Variants in CUX1 observed in about 807,000 individuals in gnomAD.
CUX1 encodes the protein protein CASP.
A neutral mutation model predicts 158.8 loss-of-function variants in CUX1; 31 were observed. The observed-to-expected ratio is 0.20, with a 90% CI of 0.15 to 0.26. CUX1 has a LOEUF of 0.26. Ranked by LOEUF, CUX1 falls within the 10% of genes least tolerant of loss-of-function variation. The pLI is 1.00. For synonymous variants in CUX1, 879 were observed against 862.1 expected (o/e 1.02, Z -0.34); for missense variants, 1,589 against 2,014.6 (o/e 0.79, Z 4.04).
At chr7:101,888,273 G>T (rs997134168) in intron 1 of CUX1, among the ~76,000 whole-genome samples, 1 of 152,078 alleles carries the variant, frequency 6.6e-6, no homozygotes, top group Admixed American at 6.5e-5. Flanking sequence ...GGAGGTTGTA[G>T]TGAGCCGAGA....
rs145682019 is a variant in CUX1, at chr7:102,201,224, G to A, written c.2063-136G>A. The stretch of plus-strand genomic sequence containing the variant: ...GATGCCTGAATGTTTCACTGACAGG[G>A]GCCATGCTGGGGAAATACACAGTGT... On this transcript the variant is annotated intron_variant, in intron 17 of 23. Coordinates refer to ENST00000292535, the MANE Select transcript of CUX1 (RefSeq NM_181552.4). This position sits in a 1 kb window ranked among gnomAD's most constrained non-coding sequence, Gnocchi z 5.0. 1.6e-6 allele frequency: 2 copies of A among 1,290,142 alleles called. No homozygotes were observed. The highest frequency in any genetic ancestry group is 2.3e-5 in the East Asian group (1 of 43,018). 79.9% of individuals were successfully genotyped at this position (1,290,142 alleles called of 1,614,324 possible). A position where few individuals can be genotyped will look rare whatever the true frequency, so the allele number is the denominator to read the frequency against.
In CUX1 at chr7:101,847,365, C is replaced by T. The variant is rs17135821; in HGVS notation, c.30+29696C>T. Among the ~76,000 whole-genome samples the T allele has an allele frequency of 2.7e-4, 41 of 152,140 alleles. No homozygotes were observed. In the East Asian group the frequency reaches 5.6e-3, roughly 21 times the overall value. ...GGTTTTGGAGATGACCCATGTTTGGCGGCACCTGATCCCTATCAGCAGCCA... is the reference window on the plus strand; with the variant it reads ...GGTTTTGGAGATGACCCATGTTTGGTGGCACCTGATCCCTATCAGCAGCCA... On this transcript the variant is annotated intron_variant, in intron 1 of 23. Transcript: ENST00000292535.
intron 3 of CUX1, among the ~76,000 whole-genome samples, chr7:102,037,024 G>A (rs561683902): frequency 6.6e-6 from 1 of 152,266 alleles, no homozygotes; most frequent in African/African-American, 2.4e-5. Context: ...AACCCTGTCT[G>A]TACAAAAACT....
intron 19 of CUX1, among the ~76,000 whole-genome samples, 161 bp from the exon 20 acceptor site, chr7:102,204,953 C>T (rs1795798591): frequency 6.6e-6 from 1 of 152,222 alleles, no homozygotes; most frequent in Non-Finnish European, 1.5e-5. Flanking sequence ...GGCCCGGGGG[C>T]CTGGCCTTGC....
chr7:101,880,076 AT>A (rs5886205), intron 1 of CUX1, among the ~76,000 whole-genome samples: 125,220 of 151,914 alleles, frequency 0.82, 51,712 homozygotes, highest in East Asian at 0.96. Context: ...GAAAAGGCTG[AT>A]TTTTTTTTAA....
At chr7:101,985,230 A>G (rs563594903) in intron 2 of CUX1, among the ~76,000 whole-genome samples, 2 of 152,286 alleles carry the variant, frequency 1.3e-5, no homozygotes, top group East Asian at 3.9e-4. Flanking sequence ...CTTGGCTTTC[A>G]GATACTTTCA....
chr7:101,974,890 G>T (rs1812449414), intron 2 of CUX1, among the ~76,000 whole-genome samples: 1 of 152,094 alleles, frequency 6.6e-6, no homozygotes, highest in African/African-American at 2.4e-5. Flanking sequence ...GCAGAGGGAG[G>T]TCTGGGAATG....
chr7:101,858,559 C>T (rs1024085114), intron 1 of CUX1, among the ~76,000 whole-genome samples: 1 of 152,126 alleles, frequency 6.6e-6, no homozygotes, highest in Non-Finnish European at 1.5e-5. Context: ...TTGTTCTTAG[C>T]ACCCACAACA....
intron 14 of CUX1, among the ~76,000 whole-genome samples, chr7:102,267,652 A>G (rs1291792199): frequency 6.6e-6 from 1 of 152,158 alleles, no homozygotes; most frequent in Non-Finnish European, 1.5e-5. Flanking sequence ...GTCAGAAATC[A>G]TGCCTAGACT....
chr7:102,142,236 G>C (rs960186846), intron 8 of CUX1, among the ~76,000 whole-genome samples: 1 of 152,160 alleles, frequency 6.6e-6, no homozygotes, highest in African/African-American at 2.4e-5. Context: ...GCATTCTTGG[G>C]CAGCGTCTGT....
intron 2 of CUX1, among the ~76,000 whole-genome samples, chr7:101,981,181 G>A (rs1285047702): frequency 6.6e-6 from 1 of 151,874 alleles, no homozygotes. Flanking sequence ...AGCCAGTACT[G>A]TGTCCCCGGC....
In CUX1 at chr7:102,250,627, T is replaced by G; in HGVS notation, c.*1585T>G. 1 of 985,464 alleles carries G rather than the reference T, an allele frequency of 1.0e-6. No homozygotes were observed. Among genetic ancestry groups the G allele is most frequent in the Non-Finnish European group, 1.2e-6 (1 of 829,938 alleles). The allele number at this position is 985,464 out of a possible 1,614,324, so 61.0% of individuals were successfully genotyped here. A position where few individuals can be genotyped will look rare whatever the true frequency, so the allele number is the denominator to read the frequency against. On this transcript the variant is annotated 3_prime_UTR_variant, in exon 24 of 24. Transcript: ENST00000292535. ...ACCAAAACGTGGATGCTCTTCAACT[T>G]CCAAACCTACCATTTGCCCTTCTTT...
At chr7:102,213,248 G>A (rs114906486) in intron 20 of CUX1, among the ~76,000 whole-genome samples, 1,892 of 152,350 alleles carry the variant, frequency 0.012, 11 homozygotes, top group Middle Eastern at 0.058. Flanking sequence ...GCAGTCCTGT[G>A]AGAGGTGATC....
chr7:102,282,171 G>A (rs534747929), intron 21 of CUX1, among the ~76,000 whole-genome samples: 1 of 152,306 alleles, frequency 6.6e-6, no homozygotes, highest in Admixed American at 6.5e-5. Context: ...ATCACATCTG[G>A]GACTGGTCCT....
At position 102,250,563 on chromosome 7, in the gene CUX1, C is replaced by A; in HGVS notation, c.*1521C>A. 2 of 985,462 alleles carry A rather than the reference C, an allele frequency of 2.0e-6. No homozygotes were observed. Among genetic ancestry groups the A allele is most frequent in the Non-Finnish European group, 2.4e-6 (2 of 829,948 alleles). 61.0% of individuals were successfully genotyped at this position (985,462 alleles called of 1,614,324 possible). ...AGGAGAGAGAACGTGGCATTCTGGG[C>A]TCCCCACTCCCATCCCTGTAGAAAT... On this transcript the variant is annotated 3_prime_UTR_variant, in exon 24 of 24. Transcript: ENST00000292535.
chr7:102,041,416 G>A (rs542905116), intron 3 of CUX1, among the ~76,000 whole-genome samples: 17 of 151,004 alleles, frequency 1.1e-4, no homozygotes, highest in African/African-American at 3.4e-4. Context: ...CACCATGTCC[G>A]GCTAATTTTG....
chr7:101,989,726 T>G (rs114632475), intron 2 of CUX1, among the ~76,000 whole-genome samples: 5,688 of 152,290 alleles, frequency 0.037, 377 homozygotes, highest in African/African-American at 0.13. Flanking sequence ...CTCCTCCAGC[T>G]GGGCCACACA....
At chr7:101,870,161 T>TTG (rs1798364528) in intron 1 of CUX1, among the ~76,000 whole-genome samples, 2 of 149,798 alleles carry the variant, frequency 1.3e-5, no homozygotes, top group Non-Finnish European at 3.0e-5. Context: ...TTGTTTTTTT[T>TTG]TTTTTTTTTA....
chr7:101,899,200 G>A (rs983397915), intron 1 of CUX1, among the ~76,000 whole-genome samples: 6 of 152,172 alleles, frequency 3.9e-5, no homozygotes, highest in Admixed American at 6.6e-5. Context: ...ATTACTGAGC[G>A]GCCTTTTGCC....
Sources: allele counts gnomAD v4.1 joint callset (sites outside exome capture counted in the v4.1 genomes callset), GRCh38; gene constraint gnomAD v4.1.1; non-coding constraint Gnocchi (gnomAD v3.1); transcripts MANE v1.5; gene names NCBI Gene and HGNC (gene_info 2026-07-23, HGNC 2026-07-21).